Variants in KRT73 observed in about 807,000 individuals in gnomAD.
The protein encoded by KRT73 is keratin 73, also known as keratin, type II cytoskeletal 73.
In KRT73, 44 loss-of-function variants were observed where a neutral mutation model predicts 47.2. That is an observed-to-expected ratio of 0.93 (90% CI 0.73 to 1.20). The LOEUF (loss-of-function observed/expected upper bound fraction) is 1.20. KRT73 is among the 50% of genes most tolerant of loss of function. The pLI is 0.00. For missense variants in KRT73, 713 were observed against 704.5 expected (o/e 1.01, Z -0.14); for synonymous variants, 285 against 291.3 (o/e 0.98, Z 0.22).
upstream of KRT73, among the ~76,000 whole-genome samples, chr12:52,622,767 A>T (rs930810461): frequency 1.3e-5 from 2 of 152,240 alleles, no homozygotes; most frequent in African/African-American, 4.8e-5. Context: ...GATCAGACCC[A>T]CATCCATCAG....
chr12:52,629,135 C>T, the KRT73 span, among the ~76,000 whole-genome samples: 9 of 152,156 alleles, frequency 5.9e-5, no homozygotes, highest in Admixed American at 1.3e-4. Context: ...GGGATGGTGC[C>T]CCCTCTCAGG....
At chr12:52,611,017 G>T in intron 6 of KRT73, 182 bp from the exon 7 acceptor site, 1 of 936,060 alleles carries the variant, frequency 1.1e-6, no homozygotes, top group Non-Finnish European at 1.6e-6. Context: ...GGGCCCCACA[G>T]CTTTATGAAA....
intron 4 of KRT73, 21 bp downstream of exon 4, chr12:52,614,558 G>A (rs1202810975): frequency 6.3e-7 from 1 of 1,596,986 alleles, no homozygotes; most frequent in Non-Finnish European, 8.6e-7. Context: ...AGAGCCAGAG[G>A]TGGGGCAGGG....
intron 1 of KRT73, among the ~76,000 whole-genome samples, chr12:52,617,184 T>C (rs1486340418): frequency 1.3e-5 from 2 of 152,128 alleles, no homozygotes; most frequent in African/African-American, 4.8e-5. Context: ...CCCACCTCCA[T>C]CTGAAAACTC....
upstream of KRT73, among the ~76,000 whole-genome samples, chr12:52,619,842 A>G (rs1457504491): frequency 3.3e-5 from 5 of 152,152 alleles, no homozygotes; most frequent in Non-Finnish European, 7.4e-5. Context: ...TTCCTCCATA[A>G]AAACACAAGT....
intron 1 of KRT73, 128 bp downstream of exon 1, chr12:52,617,950 G>T (rs1940843778): frequency 1.9e-6 from 2 of 1,041,396 alleles, no homozygotes; most frequent in South Asian, 1.6e-5. Flanking sequence ...TGTTTACCTG[G>T]TGTCTGATTT....
rs1940679293 is a variant in KRT73 at position 52,610,655 on chromosome 12, T to A, written c.1291A>T (p.Ile431Phe). 6.2e-7 allele frequency: 1 copy of A among 1,611,890 alleles called. No individual in the cohort carries two copies. The highest frequency in any genetic ancestry group is 1.1e-5 in the South Asian group (1 of 90,980). ...TCCAGCAGCTTGCGGTAGGTGGCGA[T>A]CTCAATATCCAGGGACAGCTTCACG... ...LSVKLSLDIEIATYRKLLEGE... is the reference protein window; with the variant it reads ...LSVKLSLDIEFATYRKLLEGE... Residue 431 changes from isoleucine (I) to phenylalanine (F), a missense_variant, in exon 7 of 9, where the codon ATC becomes TTC. Coordinates refer to ENST00000305748, the MANE Select transcript of KRT73 (RefSeq NM_175068.3).
chr12:52,608,050 A>G lies in KRT73; in HGVS notation c.*146T>C. On this transcript the variant is annotated 3_prime_UTR_variant, in exon 9 of 9. Transcript: ENST00000305748. The stretch of plus-strand genomic sequence containing the variant: ...TCAACATTAACAAAGACTGAGGCAG[A>G]GAGGTCAAGGAGAAGGAGGAGAGGT... The G allele has an allele frequency of 1.2e-6, 1 of 804,330 alleles. No homozygotes were observed. Among genetic ancestry groups the G allele is most frequent in the Non-Finnish European group, 2.0e-6 (1 of 508,386 alleles). The allele number at this position is 804,330 out of a possible 1,614,324, so 49.8% of individuals were successfully genotyped here. A position where few individuals can be genotyped will look rare whatever the true frequency, so the allele number is the denominator to read the frequency against.
chr12:52,618,683 C>A, upstream of KRT73: 1 of 689,252 alleles, frequency 1.5e-6, no homozygotes, highest in South Asian at 2.2e-5. Flanking sequence ...CATTTTCTCC[C>A]AGCAAAATCA....
At chr12:52,616,411 T>A in intron 1 of KRT73, 31 bp from the exon 2 acceptor site, 1 of 1,612,522 alleles carries the variant, frequency 6.2e-7, no homozygotes. Flanking sequence ...ACTTAAGCAA[T>A]GTGGAGAGGG....
Position 52,608,203 on chromosome 12 carries a change from A to G in KRT73, c.1616T>C (p.Met539Thr), listed in dbSNP as rs138494929. Residue 539 changes from methionine to threonine, a missense_variant, in exon 9 of 9, where the codon ATG becomes ACG. By Grantham distance (81) the Met-to-Thr change is moderately conservative. Coordinates refer to ENST00000305748, the MANE Select transcript of KRT73 (RefSeq NM_175068.3). Reference protein sequence around the residue: ...LALSSPTKKTMR With the variant: ...LALSSPTKKTTR ...ATGGGCTGTGTTGCACTTTTATCTC[A>G]TGGTTTTTTTGGTGGGTGAGCTTAG... is the stretch of plus-strand genomic sequence containing the variant. The G allele has an allele frequency of 1.9e-5, 31 of 1,610,786 alleles. No individual in the cohort carries two copies. Among genetic ancestry groups the G allele is most frequent in the South Asian group, 4.4e-5 (4 of 90,550 alleles).
At chr12:52,616,706 CT>C (rs1940822845) in intron 1 of KRT73, among the ~76,000 whole-genome samples, 1 of 152,144 alleles carries the variant, frequency 6.6e-6, no homozygotes, top group Non-Finnish European at 1.5e-5. Flanking sequence ...TCCAGGCCAC[CT>C]CTCCAAGGCA....
At chr12:52,617,322 A>G (rs1202656046) in intron 1 of KRT73, among the ~76,000 whole-genome samples, 1 of 152,126 alleles carries the variant, frequency 6.6e-6, no homozygotes, top group East Asian at 1.9e-4. Flanking sequence ...CTCAAACCTG[A>G]GTGTACATCA....
In KRT73 at chr12:52,616,400, T is replaced by C. The variant is rs1473178838; in HGVS notation, c.448-20A>G. The C allele has an allele frequency of 6.2e-7, 1 of 1,613,622 alleles. No individual in the cohort carries two copies. The highest frequency in any genetic ancestry group is 1.1e-5 in the South Asian group (1 of 91,048). ...CCGCACCTGGAACCCATGCCACACATACTTAAGCAATGTGGAGAGGGGATG... is the reference window on the plus strand; with the variant it reads ...CCGCACCTGGAACCCATGCCACACACACTTAAGCAATGTGGAGAGGGGATG... On this transcript the variant is annotated intron_variant, in intron 1 of 8. Coordinates refer to ENST00000305748, the MANE Select transcript of KRT73 (RefSeq NM_175068.3).
rs570216114 is a variant in KRT73 at position 52,611,321 on chromosome 12, C to G, written c.993G>C (p.Glu331Asp). 1.2e-6 allele frequency: 2 copies of G among 1,614,018 alleles called. No homozygotes were observed. Among genetic ancestry groups the G allele is most frequent in the South Asian group, 2.2e-5 (2 of 91,060 alleles). The change falls in exon 6 of 9, where the codon GAG (glutamate) becomes GAC (aspartate). Residue 331 changes from glutamate (E) to aspartate (D), a missense_variant. Transcript: ENST00000305748. ...AEALYQTKFQ[E>D]LQLAAGRHGD... Reference sequence around the variant, plus strand: ...CATGCCGGCCGGCTGCTAGCTGCAGCTCCTGGAACTAGAGGAAAAGGAACC... The same window carrying G: ...CATGCCGGCCGGCTGCTAGCTGCAGGTCCTGGAACTAGAGGAAAAGGAACC...
At chr12:52,614,969 G>A (rs1052803599) in intron 3 of KRT73, 4 of 528,232 alleles carry the variant, frequency 7.6e-6, no homozygotes, top group South Asian at 3.0e-5. Flanking sequence ...CAGCCACGGC[G>A]ATTTGCCAGA....
At chr12:52,621,392 C>T (rs954990377), upstream of KRT73, among the ~76,000 whole-genome samples, 2 of 152,118 alleles carry the variant, frequency 1.3e-5, no homozygotes, top group African/African-American at 4.8e-5. Flanking sequence ...TCAGTATTCC[C>T]TATGTGGATA....
At chr12:52,611,159 A>G (rs780556337) in intron 6 of KRT73, 45 bp downstream of exon 6, 2 of 1,607,972 alleles carry the variant, frequency 1.2e-6, no homozygotes, top group South Asian at 2.2e-5. Context: ...TAAGCAGTTC[A>G]CCCCTCCCTT....
At chr12:52,611,427 G>A in intron 5 of KRT73, 98 bp from the exon 6 acceptor site, 2 of 1,450,824 alleles carry the variant, frequency 1.4e-6, no homozygotes, top group Non-Finnish European at 1.9e-6. Context: ...GCCTGGCAGA[G>A]GTGGGTCCAG....
Sources: gnomAD v4.1 joint callset for allele counts (sites outside exome capture counted in the v4.1 genomes callset) on GRCh38, gnomAD v4.1.1 for gene constraint, MANE v1.5 for transcripts, NCBI Gene and HGNC (gene_info 2026-07-23, HGNC 2026-07-21) for gene names.